The following PPP6R2 variants were observed in gnomAD, a reference collection of about 807,000 sequenced individuals.
PPP6R2 encodes serine/threonine-protein phosphatase 6 regulatory subunit 2.
Under a neutral mutation model 100.2 loss-of-function variants are expected in PPP6R2, and 62 were observed. That is an observed-to-expected ratio of 0.62 (90% confidence interval 0.50 to 0.76). PPP6R2 has a LOEUF of 0.76. Ranked by LOEUF, PPP6R2 falls within the 30% of genes least tolerant of loss-of-function variation. The pLI, the probability that PPP6R2 is intolerant of heterozygous loss-of-function variation, is 0.00. For synonymous variants in PPP6R2, 525 were observed against 514.7 expected (o/e 1.02, Z -0.27); for missense variants, 1,142 against 1,276.3 (o/e 0.89, Z 1.60).
rs528496094 is a variant in PPP6R2, at chr22:50,369,238, A to T, written c.-147-2782A>T. Among the ~76,000 whole-genome samples, 5 of 90,950 alleles carry T rather than the reference A, an allele frequency of 5.5e-5. No homozygotes were observed. In the East Asian group the frequency reaches 1.6e-3, roughly 29 times the overall value. The allele number at this position is 90,950 out of a possible 152,430, so 59.7% of individuals were successfully genotyped here. ...GGGCAACAAGAGTGAAATTCCATCTAAAAAAAAAAAAAGAAAACACATTTC... is the reference window on the plus strand; with the variant it reads ...GGGCAACAAGAGTGAAATTCCATCTTAAAAAAAAAAAAGAAAACACATTTC... On this transcript the variant is annotated intron_variant, in intron 1 of 23. Coordinates refer to ENST00000612753, the MANE Select transcript of PPP6R2 (RefSeq NM_001242898.2).
chr22:50,408,244 C>T (rs2059250805), intron 4 of PPP6R2, among the ~76,000 whole-genome samples: 1 of 152,154 alleles, frequency 6.6e-6, no homozygotes, highest in African/African-American at 2.4e-5. Context: ...TTCATGATCA[C>T]ACTCCAAAAA....
intron 2 of PPP6R2, among the ~76,000 whole-genome samples, chr22:50,380,448 C>T (rs1351328654): frequency 6.6e-6 from 1 of 151,562 alleles, no homozygotes; most frequent in East Asian, 2.0e-4. Context: ...GCAACCTCTA[C>T]CTCCCAGATT....
chr22:50,336,272 G>A, the PPP6R2 span, among the ~76,000 whole-genome samples: 1 of 152,222 alleles, frequency 6.6e-6, no homozygotes, highest in Non-Finnish European at 1.5e-5. Flanking sequence ...ACAGGTGTGA[G>A]TCACCGCGTC....
chr22:50,352,098 C>T (rs1246731825), intron 1 of PPP6R2, among the ~76,000 whole-genome samples: 6 of 151,404 alleles, frequency 4.0e-5, no homozygotes, highest in Non-Finnish European at 8.8e-5. Context: ...CCCGGCCACA[C>T]CCAGCTAATT....
intron 1 of PPP6R2, among the ~76,000 whole-genome samples, chr22:50,354,310 AAATAAAT>A (rs2045976555): frequency 6.6e-6 from 1 of 151,898 alleles, no homozygotes; most frequent in South Asian, 2.1e-4. Context: ...GTCTCAAAAT[AAATAAAT>A]AATAAATAAA....
chr22:50,337,667 TGTG>T, the PPP6R2 span, among the ~76,000 whole-genome samples: 2 of 68,940 alleles, frequency 2.9e-5, no homozygotes, highest in East Asian at 5.6e-4. Flanking sequence ...GTGTGTGTGG[TGTG>T]TGTGTGTGTG....
At chr22:50,386,734 G>A (rs1435110844) in intron 2 of PPP6R2, among the ~76,000 whole-genome samples, 1 of 152,158 alleles carries the variant, frequency 6.6e-6, no homozygotes, top group African/African-American at 2.4e-5. Flanking sequence ...ACAACAGTAA[G>A]AGGTTGAGGT....
At chr22:50,387,348 C>CA (rs1231051826) in intron 2 of PPP6R2, among the ~76,000 whole-genome samples, 21 of 152,328 alleles carry the variant, frequency 1.4e-4, no homozygotes, top group African/African-American at 4.8e-4. Flanking sequence ...GGATTACAAG[C>CA]ATGAGCCATG....
rs908544299 is a variant in PPP6R2, at chr22:50,374,439, T to G, written c.-17+2289T>G. On this transcript the variant is annotated intron_variant, in intron 2 of 23. Coordinates refer to ENST00000612753, the MANE Select transcript of PPP6R2 (RefSeq NM_001242898.2). ...ACACAGTGAAAGACATTATCCAAAG[T>G]GCAGCCCTGAGAGATCAGTGATGGT... Among the ~76,000 whole-genome samples the G allele has an allele frequency of 2.6e-5, 4 of 152,156 alleles. No homozygotes were observed. The East Asian group carries it at 7.7e-4, about 29-fold the overall frequency.
At chr22:50,365,716 C>G (rs921992767) in intron 1 of PPP6R2, among the ~76,000 whole-genome samples, 1 of 144,002 alleles carries the variant, frequency 6.9e-6, no homozygotes, top group African/African-American at 2.7e-5. Flanking sequence ...ATGTCCTTAT[C>G]AATTCTTTAT....
the PPP6R2 span, among the ~76,000 whole-genome samples, chr22:50,333,422 C>T: frequency 3.3e-5 from 5 of 151,700 alleles, no homozygotes; most frequent in Non-Finnish European, 7.4e-5. Flanking sequence ...CTGCAAGCTC[C>T]GCCTCCCGGG....
At chr22:50,440,206 G>A (rs1446854338) in intron 21 of PPP6R2, among the ~76,000 whole-genome samples, 157 bp downstream of exon 21, 1 of 152,254 alleles carries the variant, frequency 6.6e-6, no homozygotes, top group Non-Finnish European at 1.5e-5. Flanking sequence ...AATGGGACTG[G>A]AGCAGCCACG....
intron 10 of PPP6R2, among the ~76,000 whole-genome samples, chr22:50,424,290 A>G (rs536086998): frequency 6.6e-6 from 1 of 151,808 alleles, no homozygotes; most frequent in Non-Finnish European, 1.5e-5. Flanking sequence ...TTAGTCCCAG[A>G]ACTGGGCTCG....
intron 13 of PPP6R2, 35 bp downstream of exon 13, chr22:50,435,116 G>GT (rs1216948484): frequency 1.4e-6 from 2 of 1,462,636 alleles, no homozygotes; most frequent in Admixed American, 4.8e-5. Flanking sequence ...TCTGCTGGTC[G>GT]CGGGCACCGG....
At chr22:50,394,778 C>G (rs112094983) in intron 3 of PPP6R2, among the ~76,000 whole-genome samples, 4 of 151,316 alleles carry the variant, frequency 2.6e-5, no homozygotes, top group African/African-American at 9.7e-5. Flanking sequence ...TGGTGGCGGG[C>G]GCCCGTAGTC....
intron 18 of PPP6R2, 21 bp downstream of exon 18, chr22:50,438,319 C>T (rs1170302116): frequency 6.2e-7 from 1 of 1,603,630 alleles, no homozygotes; most frequent in Non-Finnish European, 8.5e-7. Flanking sequence ...TGCCCATCCC[C>T]ACAAAGCCTC....
chr22:50,399,908 T>C (rs1234485613), intron 3 of PPP6R2, among the ~76,000 whole-genome samples: 1 of 152,276 alleles, frequency 6.6e-6, no homozygotes, highest in Non-Finnish European at 1.5e-5. Context: ...AGCCTGGGGA[T>C]GCTCCTGGTC....
At chr22:50,394,189 C>T (rs901879774) in intron 3 of PPP6R2, 54 bp downstream of exon 3, 64 of 1,596,456 alleles carry the variant, frequency 4.0e-5, no homozygotes, top group East Asian at 6.7e-5. Context: ...GCAGGCAGGC[C>T]GCAGGCAGTG....
chr22:50,428,664 G>T (rs59570317), intron 10 of PPP6R2, among the ~76,000 whole-genome samples: 4 of 151,950 alleles, frequency 2.6e-5, no homozygotes, highest in African/African-American at 7.2e-5. Context: ...CTGCAGAGCC[G>T]AGATCACGCC....
Sources: allele counts gnomAD v4.1 joint callset (sites outside exome capture counted in the v4.1 genomes callset), GRCh38; gene constraint gnomAD v4.1.1; transcripts MANE v1.5; gene names NCBI Gene and HGNC (gene_info 2026-07-23, HGNC 2026-07-21).